The following PCDHGA2 variants were observed in gnomAD, a reference collection of about 807,000 sequenced individuals.
The protein encoded by PCDHGA2 is protocadherin gamma-A2.
Under a neutral mutation model 59.2 loss-of-function variants are expected in PCDHGA2, and 40 were observed. That is an observed-to-expected ratio of 0.68 (90% confidence interval 0.52 to 0.88). The LOEUF (loss-of-function observed/expected upper bound fraction) is 0.88. Among genes scored for constraint, PCDHGA2 ranks in the 40% least tolerant of loss-of-function variants. PCDHGA2 has a pLI of 0.00. For missense variants in PCDHGA2, 1,226 were observed against 1,204.0 expected (o/e 1.02, Z -0.27); for synonymous variants, 560 against 526.0 (o/e 1.06, Z -0.89).
chr5:141,340,385 T>G lies in PCDHGA2; in HGVS notation c.1414T>G (p.Phe472Val). The change falls in exon 1 of 4, where the codon TTC (phenylalanine) becomes GTC (valine). Residue 472 changes from phenylalanine to valine, a missense_variant. Physicochemically the swap from Phe to Val is conservative, Grantham distance 50 (BLOSUM62 -1). Transcript: ENST00000394576. Reference protein sequence around the residue: ...PENNPRGASVFSVTAHDPDSN... With the variant: ...PENNPRGASVVSVTAHDPDSN... ...AAACAACCCCAGAGGAGCCTCTGTC[T>G]TCTCAGTGACGGCCCATGACCCCGA... 1.9e-6 allele frequency: 3 copies of G among 1,614,168 alleles called. No individual in the cohort carries two copies. The highest frequency in any genetic ancestry group is 2.5e-6 in the Non-Finnish European group (3 of 1,180,038).
chr5:141,505,277 G>A, intron 2 of PCDHGA2, 116 bp from the exon 3 acceptor site: 1 of 1,539,958 alleles, frequency 6.5e-7, no homozygotes, highest in African/African-American at 1.4e-5. Context: ...AGAGAAACAG[G>A]TCTTGGGCAT....
rs1054850118 is a variant in PCDHGA2, at chr5:141,366,673, T to C, written c.2424+25278T>C. The C allele has an allele frequency of 6.2e-6, 10 of 1,614,120 alleles. No homozygotes were observed. The African/African-American group carries it at 1.3e-4, about 22-fold the overall frequency. The stretch of plus-strand genomic sequence containing the variant: ...CCAACTACGCAGACACGCTCCTTAG[T>C]GAAGAGAGCTGTGAGAAAAGCGAGC... On this transcript the variant is annotated intron_variant, in intron 1 of 3. Transcript: ENST00000394576.
chr5:141,364,693 A>G, intron 1 of PCDHGA2: 1 of 1,614,018 alleles, frequency 6.2e-7, no homozygotes, highest in South Asian at 1.1e-5. Context: ...GAGTAGAAGT[A>G]GAAATAATCG....
At chr5:141,378,325 C>G (rs1344220335) in intron 1 of PCDHGA2, 1 of 152,200 alleles carries the variant, frequency 6.6e-6, no homozygotes, top group Non-Finnish European at 1.5e-5. Context: ...GAGTTCGAGA[C>G]CAGCCTGACC....
Position 141,366,194 on chromosome 5 carries a change from C to T in PCDHGA2, c.2424+24799C>T, listed in dbSNP as rs559944832. 5.0e-6 allele frequency: 8 copies of T among 1,613,936 alleles called. No homozygotes were observed. In the African/African-American group the frequency reaches 6.7e-5, roughly 13 times the overall value. On this transcript the variant is annotated intron_variant, in intron 1 of 3. Transcript: ENST00000394576. ...GCCAGGACTCTTTGCGGTTGGGCTG[C>T]ACACGGGCGAGGTGCGCACAGCGCG...
intron 1 of PCDHGA2, among the ~76,000 whole-genome samples, chr5:141,474,703 C>G (rs2099353282): frequency 6.6e-6 from 1 of 152,188 alleles, no homozygotes; most frequent in Admixed American, 6.5e-5. Flanking sequence ...GTTCAAGGTT[C>G]TATTATACTT....
In PCDHGA2 at chr5:141,404,943, TAGCTGAC is replaced by T. The variant is rs770372146; in HGVS notation, c.2424+63552_2424+63558del. On this transcript the variant is annotated intron_variant, in intron 1 of 3. Transcript: ENST00000394576. ...GCCACTGTCACGCTCACAGTAGCCA[TAGCTGAC>T]AGCATCCCAGACATCCTGGCTGACC... 24 of 1,613,914 alleles carry T rather than the reference TAGCTGAC, an allele frequency of 1.5e-5. No individual in the cohort carries two copies. In the East Asian group the frequency reaches 4.0e-4, roughly 27 times the overall value.
At chr5:141,402,854 C>T (rs1589466051) in intron 1 of PCDHGA2, 2 of 1,423,530 alleles carry the variant, frequency 1.4e-6, no homozygotes, top group East Asian at 2.5e-5. Flanking sequence ...CCTCTTTCTT[C>T]TAAGGAAAAG....
At chr5:141,407,453 C>T (rs914537742) in intron 1 of PCDHGA2, among the ~76,000 whole-genome samples, 4 of 148,722 alleles carry the variant, frequency 2.7e-5, no homozygotes, top group Non-Finnish European at 6.0e-5. Flanking sequence ...ACACGAGGCT[C>T]ACCAGACAGA....
At chr5:141,420,392 G>A (rs1480059498) in intron 1 of PCDHGA2, 2 of 1,268,940 alleles carry the variant, frequency 1.6e-6, no homozygotes, top group East Asian at 5.5e-5. Context: ...CAAAATATAG[G>A]TCAAATTTAT....
chr5:141,395,809 A>T (rs1448942836), intron 1 of PCDHGA2: 1 of 152,108 alleles, frequency 6.6e-6, no homozygotes, highest in Non-Finnish European at 1.5e-5. Flanking sequence ...CCTTCAAAAC[A>T]TGAACAAACT....
At chr5:141,497,212 G>C (rs968445663) in intron 2 of PCDHGA2, among the ~76,000 whole-genome samples, 2 of 151,018 alleles carry the variant, frequency 1.3e-5, no homozygotes, top group East Asian at 3.9e-4. Context: ...AGTGTAATGG[G>C]GGGGGGAAGA....
chr5:141,361,728 A>T (rs1318637710), intron 1 of PCDHGA2: 3 of 1,613,128 alleles, frequency 1.9e-6, no homozygotes, highest in Non-Finnish European at 2.5e-6. Context: ...TCGAGCTCAC[A>T]CTGCAGGCCC....
At chr5:141,365,492 A>G in intron 1 of PCDHGA2, 1 of 1,613,970 alleles carries the variant, frequency 6.2e-7, no homozygotes, top group Non-Finnish European at 8.5e-7. Flanking sequence ...CTCTATTCCT[A>G]GGAATTTGCC....
chr5:141,355,443 C>A (rs1373026083), intron 1 of PCDHGA2: 1 of 1,614,076 alleles, frequency 6.2e-7, no homozygotes, highest in Non-Finnish European at 8.5e-7. Context: ...ACCCGCGCAG[C>A]GGCACCTTGG....
intron 1 of PCDHGA2, chr5:141,479,743 T>C (rs2154578017): frequency 6.6e-6 from 1 of 152,356 alleles, no homozygotes; most frequent in African/African-American, 2.4e-5. Flanking sequence ...ATATGCACAA[T>C]GTGAAAGGTA....
intron 1 of PCDHGA2, chr5:141,403,017 T>C: frequency 6.2e-7 from 1 of 1,614,064 alleles, no homozygotes; most frequent in South Asian, 1.1e-5. Context: ...CTCCTGGGGA[T>C]GCTATGGGAG....
chr5:141,489,111 C>G lies in PCDHGA2; in HGVS notation c.2425-5696C>G. 1.9e-6 allele frequency: 1 copy of G among 518,042 alleles called. No individual in the cohort carries two copies. Among genetic ancestry groups the G allele is most frequent in the Non-Finnish European group, 3.2e-6 (1 of 308,182 alleles). The allele number at this position is 518,042 out of a possible 1,614,324, so 32.1% of individuals were successfully genotyped here. The stretch of plus-strand genomic sequence containing the variant: ...GTGACTAAGAACTGCTGCAAGCAGG[C>G]AAACCTCCGAGCAGTTTTTAAGAGG... On this transcript the variant is annotated intron_variant, in intron 1 of 3. Coordinates refer to ENST00000394576, the MANE Select transcript of PCDHGA2 (RefSeq NM_018915.4). This position sits in a 1 kb window ranked among gnomAD's most constrained non-coding sequence, Gnocchi z 4.5.
At chr5:141,418,667 G>A (rs1561775322) in intron 1 of PCDHGA2, 1 of 1,614,036 alleles carries the variant, frequency 6.2e-7, no homozygotes, top group Admixed American at 1.7e-5. Flanking sequence ...CACTGACCAG[G>A]ACGAGGGCAT....
Sources: allele counts gnomAD v4.1 joint callset (sites outside exome capture counted in the v4.1 genomes callset), GRCh38; gene constraint gnomAD v4.1.1; non-coding constraint Gnocchi (gnomAD v3.1); transcripts MANE v1.5; gene names NCBI Gene and HGNC (gene_info 2026-07-23, HGNC 2026-07-21).